SEMA5A: variants seen among roughly 807,000 people sequenced by gnomAD.
SEMA5A encodes semaphorin-5A.
Under a neutral mutation model 135.5 loss-of-function variants are expected in SEMA5A, and 55 were observed. That is an observed-to-expected ratio of 0.41 (90% CI 0.33 to 0.51). The LOEUF is 0.51. Among genes scored for constraint, SEMA5A ranks in the 20% least tolerant of loss-of-function variants. The pLI is 0.37. For synonymous variants in SEMA5A, 580 were observed against 546.5 expected (o/e 1.06, Z -0.85); for missense variants, 1,290 against 1,419.9 (o/e 0.91, Z 1.47).
At chr5:9,510,793 C>T (rs1736159424) in intron 1 of SEMA5A, among the ~76,000 whole-genome samples, 1 of 152,154 alleles carries the variant, frequency 6.6e-6, no homozygotes, top group African/African-American at 2.4e-5. Context: ...CAGCCTAAGG[C>T]TACCTTTGTA....
At chr5:9,383,060 A>G (rs1220026740) in intron 2 of SEMA5A, among the ~76,000 whole-genome samples, 4 of 152,254 alleles carry the variant, frequency 2.6e-5, no homozygotes, top group African/African-American at 9.6e-5. Flanking sequence ...CCGCCAGCCC[A>G]CAATCCCTGC....
At chr5:9,467,740 G>A (rs1358369396) in intron 1 of SEMA5A, among the ~76,000 whole-genome samples, 1 of 152,208 alleles carries the variant, frequency 6.6e-6, no homozygotes, top group Non-Finnish European at 1.5e-5. Flanking sequence ...GAGCCGGGGT[G>A]GGTGGAAGGT....
chr5:9,044,664 G>C (rs747795754), intron 21 of SEMA5A, 80 bp from the exon 22 acceptor site: 64 of 1,222,582 alleles, frequency 5.2e-5, no homozygotes, highest in Admixed American at 4.4e-4. Context: ...GATGAAAAGA[G>C]AAAGTCAAAA....
In SEMA5A at chr5:9,280,137, T is replaced by A. The variant is rs571337584; in HGVS notation, c.270+38235A>T. On this transcript the variant is annotated intron_variant, in intron 5 of 22. Coordinates refer to ENST00000382496, the MANE Select transcript of SEMA5A (RefSeq NM_003966.3). ...TAGGAGTAGGAAAAAAATACCGATGTCAAAAGCAAATCTAATACCAGGGCT... is the reference window on the plus strand; with the variant it reads ...TAGGAGTAGGAAAAAAATACCGATGACAAAAGCAAATCTAATACCAGGGCT... Among the ~76,000 whole-genome samples, 4 of 152,306 alleles carry A rather than the reference T, an allele frequency of 2.6e-5. No homozygotes were observed. In the South Asian group the frequency reaches 8.3e-4, roughly 32 times the overall value.
chr5:9,202,137 A>G lies in SEMA5A; in HGVS notation c.750T>C (p.Ala250=), dbSNP rs755774609. The G allele has an allele frequency of 2.5e-6, 4 of 1,614,124 alleles. No homozygotes were observed. Among genetic ancestry groups the G allele is most frequent in the Non-Finnish European group, 8.5e-7 (1 of 1,180,050 alleles). ...HDCGKTVFSR[A]ARVCKNDIGG... The stretch of plus-strand genomic sequence containing the variant: ...CAATATCGTTCTTGCACACCCGGGC[A>G]GCTCTGGAGAACACTGTTTTCCCAC... The change falls in exon 9 of 23, where the codon GCT becomes GCC. Residue 250 remains alanine, a synonymous_variant. Transcript: ENST00000382496.
intron 5 of SEMA5A, among the ~76,000 whole-genome samples, chr5:9,313,218 G>A (rs1752223804): frequency 6.6e-6 from 1 of 152,050 alleles, no homozygotes; most frequent in Admixed American, 6.6e-5. Flanking sequence ...AAATTTGGGA[G>A]AGAGGAAAAT....
At chr5:9,194,648 G>T (rs1282532230) in intron 10 of SEMA5A, among the ~76,000 whole-genome samples, 1 of 152,200 alleles carries the variant, frequency 6.6e-6, no homozygotes, top group African/African-American at 2.4e-5. Context: ...ACTTGTACTA[G>T]GAGTTATACA....
chr5:9,472,845 TA>T, intron 1 of SEMA5A, among the ~76,000 whole-genome samples: 1 of 150,892 alleles, frequency 6.6e-6, no homozygotes, highest in African/African-American at 2.4e-5. Flanking sequence ...GAAGTATATA[TA>T]AAAATATATA....
chr5:9,118,077 G>A (rs78061322), intron 15 of SEMA5A, among the ~76,000 whole-genome samples: 2,408 of 152,242 alleles, frequency 0.016, 32 homozygotes, highest in African/African-American at 0.04. Context: ...GGTTCTGTTC[G>A]TATAAATACT....
intron 5 of SEMA5A, among the ~76,000 whole-genome samples, chr5:9,277,991 T>C (rs1238504610): frequency 6.6e-6 from 1 of 152,094 alleles, no homozygotes; most frequent in Non-Finnish European, 1.5e-5. Flanking sequence ...AGAGACAGTA[T>C]TGACTTATCA....
chr5:9,471,783 C>T (rs765233942), intron 1 of SEMA5A, among the ~76,000 whole-genome samples: 28 of 152,154 alleles, frequency 1.8e-4, no homozygotes, highest in Non-Finnish European at 2.5e-4. Context: ...CCTAGCTAAA[C>T]GATACAGCTA....
rs57533658 is a variant in SEMA5A, at chr5:9,123,258, C to CAAAAAAAA, written c.1600-429_1600-422dup. Among the ~76,000 whole-genome samples the CAAAAAAAA allele has an allele frequency of 4.6e-4, 18 of 38,942 alleles. 3 individuals carry two copies. Among genetic ancestry groups the CAAAAAAAA allele is most frequent in the Non-Finnish European group, 8.2e-4 (13 of 15,800 alleles). The allele number at this position is 38,942 out of a possible 152,430, so 25.5% of individuals were successfully genotyped here. ...TGAGGGAAGGAGCGAGACTCCGCCT[C>CAAAAAAAA]AAAAAAAAAAAAAAAAAAAAAAAAA... On this transcript the variant is annotated intron_variant, in intron 13 of 22. Coordinates refer to ENST00000382496, the MANE Select transcript of SEMA5A (RefSeq NM_003966.3).
intron 5 of SEMA5A, among the ~76,000 whole-genome samples, chr5:9,300,313 C>A (rs1751555411): frequency 8.1e-6 from 1 of 123,660 alleles, no homozygotes; most frequent in East Asian, 2.5e-4. Flanking sequence ...CAGGCGTGAG[C>A]CACTGCGCCC....
At chr5:9,221,549 G>A (rs112727830) in intron 8 of SEMA5A, among the ~76,000 whole-genome samples, 15,685 of 151,716 alleles carry the variant, frequency 0.1, 869 homozygotes, top group Middle Eastern at 0.2. Flanking sequence ...TGATCCGCCC[G>A]CCTCGGCCTC....
chr5:9,224,642 A>G, intron 8 of SEMA5A, 32 bp downstream of exon 8: 1 of 1,594,026 alleles, frequency 6.3e-7, no homozygotes, highest in Non-Finnish European at 8.6e-7. Context: ...AAGACAAATG[A>G]GGTGAGAAAG....
chr5:9,189,416 CTGGTAAATATG>C (rs1159937981), intron 11 of SEMA5A, among the ~76,000 whole-genome samples: 3 of 147,006 alleles, frequency 2.0e-5, no homozygotes, highest in Non-Finnish European at 4.5e-5. Flanking sequence ...AAAAAACTAA[CTGGTAAATATG>C]TGGTAAATAT....
intron 4 of SEMA5A, among the ~76,000 whole-genome samples, chr5:9,329,560 T>C (rs1753025787): frequency 6.6e-6 from 1 of 152,098 alleles, no homozygotes; most frequent in Non-Finnish European, 1.5e-5. Context: ...TAACACAGAG[T>C]CTTGAAAGAA....
At chr5:9,467,106 T>C (rs1452386519) in intron 1 of SEMA5A, among the ~76,000 whole-genome samples, 2 of 152,038 alleles carry the variant, frequency 1.3e-5, no homozygotes, top group Non-Finnish European at 2.9e-5. Flanking sequence ...GGAGATGAGA[T>C]GCATGAATTG....
intron 2 of SEMA5A, among the ~76,000 whole-genome samples, chr5:9,405,111 C>T (rs1423643091): frequency 3.3e-5 from 5 of 152,272 alleles, no homozygotes; most frequent in Non-Finnish European, 4.4e-5. Flanking sequence ...ACTCCAGGAA[C>T]GTTTTCTGAG....
Sources: gnomAD v4.1 joint callset for allele counts (sites outside exome capture counted in the v4.1 genomes callset) on GRCh38, gnomAD v4.1.1 for gene constraint, MANE v1.5 for transcripts, NCBI Gene and HGNC (gene_info 2026-07-23, HGNC 2026-07-21) for gene names.